RLF: variants seen among roughly 807,000 people sequenced by gnomAD.
RLF encodes the protein RLF zinc finger, also known as zinc finger protein Rlf.
In RLF, 7 loss-of-function variants were observed where a neutral mutation model predicts 162.9. The observed-to-expected ratio is 0.04, with a 90% CI of 0.02 to 0.08. RLF has a LOEUF of 0.08. RLF is among the 10% of genes least tolerant of loss of function. The pLI is 1.00. For missense variants in RLF, 1,664 were observed against 2,244.7 expected (o/e 0.74, Z 5.23); for synonymous variants, 782 against 791.5 (o/e 0.99, Z 0.20).
chr1:40,167,085 C>T (rs1163895589), intron 1 of RLF, among the ~76,000 whole-genome samples: 1 of 152,066 alleles, frequency 6.6e-6, no homozygotes, highest in African/African-American at 2.4e-5. Context: ...TCAATCTAAG[C>T]CTACATTCAT....
chr1:40,188,972 G>C (rs771403520), intron 1 of RLF, 83 bp from the exon 2 acceptor site: 95 of 874,012 alleles, frequency 1.1e-4, no homozygotes, highest in Non-Finnish European at 1.5e-4. Context: ...AAAAAAATGG[G>C]AGAGCTATGT....
chr1:40,191,815 A>C (rs984095620), intron 3 of RLF, among the ~76,000 whole-genome samples: 1 of 152,212 alleles, frequency 6.6e-6, no homozygotes, highest in Admixed American at 6.5e-5. Context: ...TACTTGTTTT[A>C]TATCTTCTAA....
At chr1:40,172,762 A>G (rs1466166903) in intron 1 of RLF, among the ~76,000 whole-genome samples, 1 of 152,128 alleles carries the variant, frequency 6.6e-6, no homozygotes, top group African/African-American at 2.4e-5. Flanking sequence ...TGAGATGCCA[A>G]CTCAAAAACA....
chr1:40,206,338 A>T (rs181843845), intron 5 of RLF, among the ~76,000 whole-genome samples: 246 of 152,330 alleles, frequency 1.6e-3, no homozygotes, highest in Non-Finnish European at 2.9e-3. Context: ...TACAAAGCTA[A>T]AGTGGTTAAG....
intron 1 of RLF, among the ~76,000 whole-genome samples, chr1:40,164,541 T>C (rs763296343): frequency 1.3e-5 from 2 of 152,246 alleles, no homozygotes; most frequent in African/African-American, 4.8e-5. Context: ...TTTGTTTTCC[T>C]CTTTCCTTCA....
intron 5 of RLF, among the ~76,000 whole-genome samples, chr1:40,221,422 C>T (rs978144623): frequency 6.6e-6 from 1 of 151,754 alleles, no homozygotes; most frequent in African/African-American, 2.4e-5. Flanking sequence ...GACAGCGAAC[C>T]AAATAACATG....
At chr1:40,170,493 T>TC (rs1374387921) in intron 1 of RLF, among the ~76,000 whole-genome samples, 1 of 151,876 alleles carries the variant, frequency 6.6e-6, no homozygotes, top group Non-Finnish European at 1.5e-5. Flanking sequence ...ACTGCTGAGC[T>TC]CAAGTGAGCC....
chr1:40,173,550 G>A (rs865927108), intron 1 of RLF, among the ~76,000 whole-genome samples: 12 of 139,490 alleles, frequency 8.6e-5, no homozygotes, highest in South Asian at 2.2e-4. Flanking sequence ...GCCTTGCTCT[G>A]TTGCTTAGGC....
chr1:40,221,780 G>A (rs1176785884), intron 5 of RLF, among the ~76,000 whole-genome samples: 4 of 151,448 alleles, frequency 2.6e-5, no homozygotes, highest in South Asian at 4.2e-4. Flanking sequence ...GGCGCCTGTA[G>A]TCCCAGCTAC....
At chr1:40,232,565 A>G (rs1430912398) in intron 7 of RLF, among the ~76,000 whole-genome samples, 1 of 152,148 alleles carries the variant, frequency 6.6e-6, no homozygotes, top group African/African-American at 2.4e-5. Context: ...TGTAGGACTA[A>G]GGTTTCTGTT....
rs71060356 is a variant in RLF, at chr1:40,200,867, T to TACACACACACAC, written c.608-1484_608-1473dup. Among the ~76,000 whole-genome samples the TACACACACACAC allele has an allele frequency of 1.1e-3, 38 of 34,860 alleles. 1 individual carries two copies. The highest frequency in any genetic ancestry group is 2.4e-3 in the East Asian group (2 of 830). 22.9% of individuals were successfully genotyped at this position (34,860 alleles called of 152,430 possible). A position where few individuals can be genotyped will look rare whatever the true frequency, so the allele number is the denominator to read the frequency against. On this transcript the variant is annotated intron_variant, in intron 4 of 7. Coordinates refer to ENST00000372771, the MANE Select transcript of RLF (RefSeq NM_012421.4). The stretch of plus-strand genomic sequence containing the variant: ...TCCTTAGTATAAACCATTGCTACTC[T>TACACACACACAC]ACACACACACACACACACACACACA...
chr1:40,225,294 A>C (rs1418859739), intron 6 of RLF, among the ~76,000 whole-genome samples: 1 of 152,226 alleles, frequency 6.6e-6, no homozygotes, highest in Non-Finnish European at 1.5e-5. Flanking sequence ...CTATGTAGCT[A>C]TTGGCCAGGC....
chr1:40,240,130 G>C lies in RLF; in HGVS notation c.5428G>C (p.Gly1810Arg), dbSNP rs1643274453. The change falls in exon 8 of 8, where the codon GGG becomes CGG. Residue 1810 changes from glycine to arginine, a missense_variant. Physicochemically the swap from Gly to Arg is moderately radical, Grantham distance 125. Around this residue, in one of 15 missense-constraint regions of RLF, gnomAD observed 327 missense variants for 342.7 expected, o/e 0.95. Transcript: ENST00000372771. The part of the protein sequence containing the change: ...NSSQSSNDLT[G>R]NVVANNMVND... The stretch of plus-strand genomic sequence containing the variant: ...TTCACAGTCCAGTAATGATTTAACA[G>C]GGAATGTTGTGGCAAATAATATGGT... 1.2e-6 allele frequency: 2 copies of C among 1,614,200 alleles called. No homozygotes were observed. The highest frequency in any genetic ancestry group is 1.3e-5 in the African/African-American group (1 of 75,062).
intron 1 of RLF, among the ~76,000 whole-genome samples, chr1:40,168,214 CAATA>C (rs778312974): frequency 6.6e-6 from 1 of 151,884 alleles, no homozygotes; most frequent in Non-Finnish European, 1.5e-5. Flanking sequence ...GACCTTGTCT[CAATA>C]AATAAATAAA....
chr1:40,221,899 C>CAAAAAAAAAAAAAA (rs895455745), intron 5 of RLF, among the ~76,000 whole-genome samples: 18 of 65,032 alleles, frequency 2.8e-4, no homozygotes, highest in African/African-American at 8.4e-4. Context: ...GACTCCGTCT[C>CAAAAAAAAAAAAAA]AAAAAAAAAA....
At chr1:40,232,572 T>A (rs1643165971) in intron 7 of RLF, among the ~76,000 whole-genome samples, 1 of 152,202 alleles carries the variant, frequency 6.6e-6, no homozygotes, top group Non-Finnish European at 1.5e-5. Context: ...CTAAGGTTTC[T>A]GTTTTCTGGC....
chr1:40,162,461 T>G (rs1002025358), intron 1 of RLF, among the ~76,000 whole-genome samples: 3 of 152,226 alleles, frequency 2.0e-5, no homozygotes, highest in African/African-American at 4.8e-5. Context: ...TATTGGCCAT[T>G]ATTATTTCTG....
intron 1 of RLF, among the ~76,000 whole-genome samples, chr1:40,175,334 G>T (rs565175138): frequency 6.6e-6 from 1 of 152,020 alleles, no homozygotes; most frequent in South Asian, 2.1e-4. Flanking sequence ...ATGTATATTT[G>T]AACCTAACAA....
At chr1:40,162,042 T>A (rs2124520294) in intron 1 of RLF, among the ~76,000 whole-genome samples, 1 of 152,242 alleles carries the variant, frequency 6.6e-6, no homozygotes, top group Middle Eastern at 3.4e-3. Flanking sequence ...TTCTGAATAA[T>A]CCAGAGAGGT....
Sources: gnomAD v4.1 joint callset for allele counts (sites outside exome capture counted in the v4.1 genomes callset) on GRCh38, gnomAD v4.1.1 for gene constraint, gnomAD v4.1.1 regional missense constraint, MANE v1.5 for transcripts, NCBI Gene and HGNC (gene_info 2026-07-23, HGNC 2026-07-21) for gene names.